Variants in SEPTIN10 observed in about 807,000 individuals in gnomAD.
SEPTIN10 encodes the protein septin-10.
A neutral mutation model predicts 54.8 loss-of-function variants in SEPTIN10; 66 were observed. The ratio of observed to expected loss-of-function variants is 1.21; its 90% CI spans 0.99 to 1.48. The LOEUF is 1.48. SEPTIN10 is among the 40% of genes most tolerant of loss of function. The probability of loss-of-function intolerance (pLI) is 0.00; values close to 1 mark genes in which losing one functional copy is unlikely to be tolerated. For synonymous variants in SEPTIN10, 161 were observed against 181.0 expected (o/e 0.89, Z 0.89); for missense variants, 620 against 545.6 (o/e 1.14, Z -1.36).
At chr2:109,613,615 G>C (rs1023272036) in intron 1 of SEPTIN10, 183 bp downstream of exon 1, 1 of 336,922 alleles carries the variant, frequency 3.0e-6, no homozygotes, top group African/African-American at 2.2e-5. Context: ...AGGCTCCGCA[G>C]AGGCTCCTCT....
chr2:109,559,854 T>C lies in SEPTIN10; in HGVS notation c.1028+4512A>G, dbSNP rs569707091. On this transcript the variant is annotated intron_variant, in intron 8 of 10. Coordinates refer to ENST00000397712, the MANE Select transcript of SEPTIN10 (RefSeq NM_144710.5). ...CTGGAACAAAAATGGTTTCTACCTGTTGCAGGCCTTCCCTTCAAATCTGCA... is the reference window on the plus strand; with the variant it reads ...CTGGAACAAAAATGGTTTCTACCTGCTGCAGGCCTTCCCTTCAAATCTGCA... Among the ~76,000 whole-genome samples the C allele has an allele frequency of 3.3e-5, 5 of 151,952 alleles. No homozygotes were observed. The South Asian group carries it at 1.0e-3, about 32-fold the overall frequency.
At chr2:109,563,527 C>G (rs752950011) in intron 8 of SEPTIN10, among the ~76,000 whole-genome samples, 4 of 152,198 alleles carry the variant, frequency 2.6e-5, no homozygotes, top group Non-Finnish European at 5.9e-5. Context: ...TTCTGGAATG[C>G]TACATCAAAT....
At position 109,547,041 on chromosome 2, in the gene SEPTIN10, A is replaced by G. The variant is rs569134770; in HGVS notation, c.1162-804T>C. ...AGGCAGGATACAGATGTACAAAGAA[A>G]AAAGGTATCCAGCCCCCTTCCCCAA... On this transcript the variant is annotated intron_variant, in intron 9 of 10. Coordinates refer to ENST00000397712, the MANE Select transcript of SEPTIN10 (RefSeq NM_144710.5). Among the ~76,000 whole-genome samples the G allele has an allele frequency of 3.9e-5, 6 of 152,304 alleles. 1 individual carries two copies. Among genetic ancestry groups the G allele is most frequent in the African/African-American group, 1.4e-4 (6 of 41,568 alleles).
chr2:109,544,545 T>C, intron 10 of SEPTIN10: 1 of 980,716 alleles, frequency 1.0e-6, no homozygotes, highest in African/African-American at 1.8e-5. Flanking sequence ...AACAGCAGGG[T>C]TCTCAAGTGG....
chr2:109,595,234 T>A (rs763098743), intron 1 of SEPTIN10, among the ~76,000 whole-genome samples: 20 of 152,140 alleles, frequency 1.3e-4, no homozygotes, highest in Non-Finnish European at 2.2e-4. Flanking sequence ...ATGACACTTG[T>A]CAGTTGGAAG....
rs756122856 is a variant in SEPTIN10, at chr2:109,545,404, C to T, written c.1349+646G>A. Reference sequence around the variant, plus strand: ...ACATACCCCAAACCTACACGCCTTGCGATTATCATCCACATGCTACTCATG... The same window carrying T: ...ACATACCCCAAACCTACACGCCTTGTGATTATCATCCACATGCTACTCATG... On this transcript the variant is annotated intron_variant, in intron 10 of 10. Transcript: ENST00000397712. 60 of 1,535,302 alleles carry T rather than the reference C, an allele frequency of 3.9e-5. No homozygotes were observed. In the East Asian group the frequency reaches 4.4e-4, roughly 11 times the overall value.
intron 2 of SEPTIN10, among the ~76,000 whole-genome samples, chr2:109,586,727 G>GT (rs1235639460): frequency 6.6e-6 from 1 of 151,922 alleles, no homozygotes; most frequent in Non-Finnish European, 1.5e-5. Context: ...TTTTAAGCCT[G>GT]TAAGTTAAAG....
At chr2:109,604,303 A>ACTGCACTCCAGC (rs1697370128) in intron 1 of SEPTIN10, among the ~76,000 whole-genome samples, 1 of 145,306 alleles carries the variant, frequency 6.9e-6, no homozygotes, top group East Asian at 2.1e-4. Flanking sequence ...AGACTGCGCC[A>ACTGCACTCCAGC]CTGCACTCCA....
chr2:109,577,489 G>T (rs1365308902), intron 4 of SEPTIN10, among the ~76,000 whole-genome samples: 8 of 151,926 alleles, frequency 5.3e-5, no homozygotes, highest in African/African-American at 1.9e-4. Context: ...GTACTCAGGA[G>T]GCTGAGGCAG....
At chr2:109,592,138 C>T (rs1418350964) in intron 2 of SEPTIN10, among the ~76,000 whole-genome samples, 2 of 151,898 alleles carry the variant, frequency 1.3e-5, no homozygotes, top group African/African-American at 4.8e-5. Context: ...CACAGGAGTT[C>T]TATGCACCCA....
At chr2:109,609,926 T>C (rs569878631) in intron 1 of SEPTIN10, among the ~76,000 whole-genome samples, 22 of 152,218 alleles carry the variant, frequency 1.4e-4, no homozygotes, top group Non-Finnish European at 2.8e-4. Flanking sequence ...AGATCCACTA[T>C]CTCAGTCAAC....
At chr2:109,609,038 C>T (rs1336328939) in intron 1 of SEPTIN10, among the ~76,000 whole-genome samples, 1 of 152,268 alleles carries the variant, frequency 6.6e-6, no homozygotes, top group East Asian at 1.9e-4. Context: ...TTCCCACAGA[C>T]CAAAATATAT....
chr2:109,596,571 C>A lies in SEPTIN10; in HGVS notation c.31-3452G>T, dbSNP rs530973815. ...GGCAGAGCTTGCAGTGAGCAGAGAT[C>A]GCGCCGCTGCACTCCAGCCTGGCAG... is the stretch of plus-strand genomic sequence containing the variant. On this transcript the variant is annotated intron_variant, in intron 1 of 10. Coordinates refer to ENST00000397712, the MANE Select transcript of SEPTIN10 (RefSeq NM_144710.5). Among the ~76,000 whole-genome samples the A allele has an allele frequency of 4.0e-5, 6 of 151,498 alleles. 1 individual carries two copies. In the South Asian group the frequency reaches 1.3e-3, roughly 32 times the overall value.
rs1027626013 is a variant in SEPTIN10 at position 109,590,891 on chromosome 2, C to T, written c.99+2160G>A. On this transcript the variant is annotated intron_variant, in intron 2 of 10. Transcript: ENST00000397712. ...GCAGGGAACTGAATTCTGCCAACAA[C>T]CAGAAAGAGTATGGAAGGAAAGCCT... 2.0e-5 allele frequency among the ~76,000 whole-genome samples: 3 copies of T among 152,258 alleles called. No homozygotes were observed. In the South Asian group the frequency reaches 6.2e-4, roughly 32 times the overall value.
At chr2:109,577,693 G>C (rs924298413) in intron 4 of SEPTIN10, among the ~76,000 whole-genome samples, 5 of 151,374 alleles carry the variant, frequency 3.3e-5, no homozygotes, top group Non-Finnish European at 5.9e-5. Flanking sequence ...TGAGAAGATC[G>C]CTTGAGGCCA....
chr2:109,556,680 A>G (rs1205286620), intron 8 of SEPTIN10, among the ~76,000 whole-genome samples: 2 of 151,982 alleles, frequency 1.3e-5, no homozygotes, highest in African/African-American at 2.4e-5. Flanking sequence ...AGAAGCCCCT[A>G]TATTTATCAG....
At position 109,546,981 on chromosome 2, in the gene SEPTIN10, C is replaced by T. The variant is rs550757279; in HGVS notation, c.1162-744G>A. 3.9e-5 allele frequency among the ~76,000 whole-genome samples: 6 copies of T among 152,286 alleles called. 1 individual carries two copies. The highest frequency in any genetic ancestry group is 1.4e-4 in the African/African-American group (6 of 41,548). On this transcript the variant is annotated intron_variant, in intron 9 of 10. Transcript: ENST00000397712. ...GAGGGCAACTAAGAAGCAGCAGATA[C>T]AGGAAAGCTCTCTGACCTCCCTTTA...
chr2:109,569,883 T>C (rs1320261981), intron 5 of SEPTIN10, among the ~76,000 whole-genome samples: 1 of 152,108 alleles, frequency 6.6e-6, no homozygotes, highest in Non-Finnish European at 1.5e-5. Flanking sequence ...AGCAGTCGAA[T>C]GTTCTGCTTT....
intron 1 of SEPTIN10, chr2:109,613,516 T>C: frequency 4.2e-6 from 1 of 235,684 alleles, no homozygotes; most frequent in Non-Finnish European, 8.2e-6. Context: ...TGGATGTAAC[T>C]TTTGGCAAAG....
Sources: allele counts gnomAD v4.1 joint callset (sites outside exome capture counted in the v4.1 genomes callset), GRCh38; gene constraint gnomAD v4.1.1; transcripts MANE v1.5; gene names NCBI Gene and HGNC (gene_info 2026-07-23, HGNC 2026-07-21).